The following AFAP1L2 variants were observed in gnomAD, a reference collection of about 807,000 sequenced individuals.
AFAP1L2 encodes actin filament-associated protein 1-like 2.
AFAP1L2 carries 46 observed loss-of-function variants against 99.3 expected under a neutral mutation model. The ratio of observed to expected loss-of-function variants is 0.46; its 90% CI spans 0.37 to 0.59. The LOEUF is 0.59. Ranked by LOEUF, AFAP1L2 falls within the 20% of genes least tolerant of loss-of-function variation. AFAP1L2 has a pLI of 0.00. For synonymous variants in AFAP1L2, 397 were observed against 419.1 expected, an observed-to-expected ratio of 0.95 and a Z score of 0.64; for missense variants, 959 against 1,034.9, an observed-to-expected ratio of 0.93 and a Z score of 1.01.
chr10:114,325,924 C>T (rs2046204825), intron 4 of AFAP1L2: 1 of 1,289,380 alleles, frequency 7.8e-7, no homozygotes, highest in South Asian at 1.2e-5. Context: ...CAGGGCTCAT[C>T]AGCCTGATCT....
At chr10:114,303,029 C>A (rs2134092298) in intron 11 of AFAP1L2, among the ~76,000 whole-genome samples, 1 of 152,124 alleles carries the variant, frequency 6.6e-6, no homozygotes, top group Middle Eastern at 3.4e-3. Context: ...GCTGCTAAAT[C>A]ATCATCAAAA....
chr10:114,297,150 G>GTCCCCCC, intron 17 of AFAP1L2, 50 bp from the exon 18 acceptor site: 1 of 1,587,932 alleles, frequency 6.3e-7, no homozygotes. Flanking sequence ...AGGGAGATGT[G>GTCCCCCC]ACCCACCCAC....
intron 1 of AFAP1L2, among the ~76,000 whole-genome samples, chr10:114,388,178 C>T (rs2056738413): frequency 6.6e-6 from 1 of 152,116 alleles, no homozygotes; most frequent in African/African-American, 2.4e-5. Flanking sequence ...AGATGGGTGG[C>T]GGGGAAGCTC....
At chr10:114,384,332 C>A (rs570617761) in intron 1 of AFAP1L2, among the ~76,000 whole-genome samples, 6 of 151,812 alleles carry the variant, frequency 4.0e-5, no homozygotes, top group Non-Finnish European at 8.8e-5. Flanking sequence ...CGTCCCCCCC[C>A]CGCTGCAAGT....
intron 5 of AFAP1L2, chr10:114,319,686 G>T (rs745978883): frequency 1.2e-4 from 149 of 1,268,692 alleles, no homozygotes; most frequent in Non-Finnish European, 1.5e-4. Flanking sequence ...GAAGAGAAGA[G>T]AGACAGAATG....
Position 114,333,259 on chromosome 10 carries a change from G to T in AFAP1L2, c.182C>A (p.Thr61Asn). Reference sequence around the variant, plus strand: ...CTCTGCATTCTGTTGCTTGTTGATGGTCACTTTGTTCATATAAATGTACTC... The same window carrying T: ...CTCTGCATTCTGTTGCTTGTTGATGTTCACTTTGTTCATATAAATGTACTC... The part of the protein sequence containing the change: ...DEEYIYMNKV[T>N]INKQQNAESQ... The change falls in exon 3 of 19, where the codon ACC (threonine) becomes AAC (asparagine). Residue 61 changes from threonine (T) to asparagine (N), a missense_variant. Thr to Asn is a moderately conservative substitution (Grantham distance 65). Transcript: ENST00000304129. The T allele has an allele frequency of 1.9e-6, 3 of 1,613,956 alleles. No homozygotes were observed. The highest frequency in any genetic ancestry group is 2.5e-6 in the Non-Finnish European group (3 of 1,179,996).
chr10:114,323,364 C>A, intron 4 of AFAP1L2, 103 bp from the exon 5 acceptor site: 1 of 997,540 alleles, frequency 1.0e-6, no homozygotes. Flanking sequence ...AAATGCCCAG[C>A]TGGACTTTAA....
chr10:114,307,770 G>A (rs377610476), intron 10 of AFAP1L2, 35 bp downstream of exon 10: 7 of 1,581,228 alleles, frequency 4.4e-6, no homozygotes, highest in Non-Finnish European at 6.1e-6. Flanking sequence ...CCCAGGAAAT[G>A]AGCCTGTGGT....
chr10:114,403,634 G>C (rs959251253), intron 1 of AFAP1L2, among the ~76,000 whole-genome samples: 1 of 152,188 alleles, frequency 6.6e-6, no homozygotes, highest in East Asian at 1.9e-4. Flanking sequence ...CAAAAGAACC[G>C]CAATCGAGAC....
chr10:114,348,517 G>A (rs542354213), intron 1 of AFAP1L2, among the ~76,000 whole-genome samples: 7 of 152,210 alleles, frequency 4.6e-5, no homozygotes, highest in Admixed American at 3.3e-4. Context: ...GCATTCCATC[G>A]TGTAGATGTA....
chr10:114,345,869 TGGA>T (rs1263450930), intron 1 of AFAP1L2, among the ~76,000 whole-genome samples: 1 of 147,212 alleles, frequency 6.8e-6, no homozygotes, highest in Non-Finnish European at 1.5e-5. Flanking sequence ...CACTGGGTGG[TGGA>T]GATGCGGAAA....
chr10:114,364,383 C>T (rs576478728), intron 1 of AFAP1L2, among the ~76,000 whole-genome samples: 2 of 152,300 alleles, frequency 1.3e-5, no homozygotes, highest in South Asian at 4.1e-4. Context: ...GACAGGGTCC[C>T]ACTCCCTCTG....
At chr10:114,391,838 C>T (rs2057193828) in intron 1 of AFAP1L2, among the ~76,000 whole-genome samples, 1 of 152,142 alleles carries the variant, frequency 6.6e-6, no homozygotes, top group African/African-American at 2.4e-5. Context: ...CCCGGTATGA[C>T]TGTGGCATAG....
At chr10:114,363,093 C>A (rs993217322) in intron 1 of AFAP1L2, 12 of 985,244 alleles carry the variant, frequency 1.2e-5, no homozygotes, top group Non-Finnish European at 1.4e-5. Context: ...CAGTGGGATC[C>A]GAGCCTCTCA....
chr10:114,360,824 T>C (rs1410284691), intron 1 of AFAP1L2, among the ~76,000 whole-genome samples: 3 of 152,180 alleles, frequency 2.0e-5, no homozygotes, highest in Non-Finnish European at 4.4e-5. Context: ...GGACAATATC[T>C]TGGGGTTGAG....
intron 5 of AFAP1L2, among the ~76,000 whole-genome samples, chr10:114,321,640 GA>G (rs1344550727): frequency 6.6e-6 from 1 of 152,150 alleles, no homozygotes; most frequent in Admixed American, 6.5e-5. Context: ...TTTATGCTTT[GA>G]AAGCCCTTTC....
intron 1 of AFAP1L2, among the ~76,000 whole-genome samples, chr10:114,345,914 G>A (rs1459937239): frequency 7.0e-6 from 1 of 142,036 alleles, no homozygotes; most frequent in Non-Finnish European, 1.5e-5. Context: ...CCAGGCAGCC[G>A]TGGTGCCTGC....
chr10:114,383,473 T>C (rs1308021787), intron 1 of AFAP1L2, among the ~76,000 whole-genome samples: 1 of 152,182 alleles, frequency 6.6e-6, no homozygotes, highest in Non-Finnish European at 1.5e-5. Flanking sequence ...ACATCCCTGA[T>C]AGATATTATC....
At chr10:114,348,123 C>T (rs1246860618) in intron 1 of AFAP1L2, among the ~76,000 whole-genome samples, 1 of 152,102 alleles carries the variant, frequency 6.6e-6, no homozygotes, top group East Asian at 1.9e-4. Flanking sequence ...GTAGGTATGG[C>T]TACTTCCTTC....
Sources: gnomAD v4.1 joint callset for allele counts (sites outside exome capture counted in the v4.1 genomes callset) on GRCh38, gnomAD v4.1.1 for gene constraint, MANE v1.5 for transcripts, NCBI Gene and HGNC (gene_info 2026-07-23, HGNC 2026-07-21) for gene names.